The following SLC6A2 variants were observed in gnomAD, a reference collection of about 807,000 sequenced individuals.
The protein encoded by SLC6A2 is solute carrier family 6 member 2.
Under a neutral mutation model 71.7 loss-of-function variants are expected in SLC6A2, and 26 were observed. That is an observed-to-expected ratio of 0.36 (90% CI 0.27 to 0.50). The LOEUF (loss-of-function observed/expected upper bound fraction) is 0.50. Ranked by LOEUF, SLC6A2 falls within the 20% of genes least tolerant of loss-of-function variation. SLC6A2 has a pLI of 0.96. For missense variants in SLC6A2, 581 were observed against 803.9 expected (o/e 0.72, Z 3.35); for synonymous variants, 363 against 337.9 (o/e 1.07, Z -0.82).
intron 2 of SLC6A2, among the ~76,000 whole-genome samples, chr16:55,668,493 C>A (rs550507307): frequency 5.9e-5 from 9 of 152,212 alleles, no homozygotes; most frequent in African/African-American, 2.2e-4. Context: ...GGTTACAACA[C>A]CTTAGCTAAA....
At chr16:55,669,277 T>G (rs757676101) in intron 2 of SLC6A2, among the ~76,000 whole-genome samples, 1 of 152,198 alleles carries the variant, frequency 6.6e-6, no homozygotes, top group Non-Finnish European at 1.5e-5. Context: ...CATCACAGCA[T>G]GCACTTGTGT....
intron 2 of SLC6A2, among the ~76,000 whole-genome samples, chr16:55,660,281 A>G (rs1316373594): frequency 3.9e-5 from 6 of 152,186 alleles, no homozygotes; most frequent in Non-Finnish European, 8.8e-5. Context: ...AGTTGGGGCC[A>G]GGCTGCAGAG....
At position 55,698,039 on chromosome 16, in the gene SLC6A2, G is replaced by A. The variant is rs1182787242; in HGVS notation, c.1389+14G>A. The stretch of plus-strand genomic sequence containing the variant: ...TGCATAACCAAGGTGAGTAGGGGCT[G>A]GGCTCTGGGTCACCTGGGGGCCTCT... On this transcript the variant is annotated intron_variant, in intron 10 of 14. Coordinates refer to ENST00000568943, the MANE Select transcript of SLC6A2 (RefSeq NM_001172501.3). 1.9e-6 allele frequency: 3 copies of A among 1,613,908 alleles called. No individual in the cohort carries two copies. Among genetic ancestry groups the A allele is most frequent in the Middle Eastern group, 1.6e-4 (1 of 6,062 alleles).
chr16:55,671,782 C>A, intron 3 of SLC6A2, 156 bp from the exon 4 acceptor site: 3 of 1,442,652 alleles, frequency 2.1e-6, no homozygotes, highest in Non-Finnish European at 1.8e-6. Context: ...GTCTTCCATG[C>A]GACAGGTCAC....
intron 4 of SLC6A2, among the ~76,000 whole-genome samples, chr16:55,676,404 G>A (rs1360394508): frequency 6.6e-6 from 1 of 152,144 alleles, no homozygotes; most frequent in African/African-American, 2.4e-5. Context: ...CACTCTTGGG[G>A]AGGCTTCATT....
At chr16:55,663,797 A>C (rs1439778842) in intron 2 of SLC6A2, among the ~76,000 whole-genome samples, 1 of 151,972 alleles carries the variant, frequency 6.6e-6, no homozygotes, top group African/African-American at 2.4e-5. Flanking sequence ...CTGCTCCCTT[A>C]TCTCTCCAAG....
intron 5 of SLC6A2, among the ~76,000 whole-genome samples, chr16:55,688,764 C>T (rs1965530782): frequency 1.3e-5 from 2 of 152,160 alleles, no homozygotes; most frequent in African/African-American, 4.8e-5. Context: ...TTCTCGATGC[C>T]TGGATTCATA....
rs143101125 is a variant in SLC6A2, at chr16:55,669,306, C to T, written c.275-259C>T. Reference sequence around the variant, plus strand: ...CTTGTGTATCAAAGGCTAGGAGAAGCCTGCAAGAAGCAAACCTATTTTGCT... The same window carrying T: ...CTTGTGTATCAAAGGCTAGGAGAAGTCTGCAAGAAGCAAACCTATTTTGCT... On this transcript the variant is annotated intron_variant, in intron 2 of 14. Coordinates refer to ENST00000568943, the MANE Select transcript of SLC6A2 (RefSeq NM_001172501.3). 2.8e-4 allele frequency among the ~76,000 whole-genome samples: 43 copies of T among 152,296 alleles called. No homozygotes were observed. The East Asian group carries it at 8.3e-3, about 29-fold the overall frequency.
intron 2 of SLC6A2, among the ~76,000 whole-genome samples, chr16:55,658,442 T>C (rs1295809620): frequency 6.6e-6 from 1 of 151,764 alleles, no homozygotes; most frequent in African/African-American, 2.4e-5. Context: ...GAACCCGGGA[T>C]GTGGAGGTTG....
chr16:55,686,462 G>A (rs1965454764), intron 5 of SLC6A2, among the ~76,000 whole-genome samples: 1 of 152,144 alleles, frequency 6.6e-6, no homozygotes, highest in Non-Finnish European at 1.5e-5. Flanking sequence ...GCCAAAACAA[G>A]TGTTGAGGTA....
At chr16:55,659,614 A>AT (rs1351753148) in intron 2 of SLC6A2, among the ~76,000 whole-genome samples, 1 of 152,216 alleles carries the variant, frequency 6.6e-6, no homozygotes, top group Non-Finnish European at 1.5e-5. Flanking sequence ...AATGCCCAAG[A>AT]TAAGTCCTAG....
At chr16:55,701,379 C>T (rs1442972775) in intron 13 of SLC6A2, among the ~76,000 whole-genome samples, 1 of 152,144 alleles carries the variant, frequency 6.6e-6, no homozygotes, top group Non-Finnish European at 1.5e-5. Flanking sequence ...AGTGGAGAGG[C>T]TTCCTGCTAC....
chr16:55,705,896 G>T lies in SLC6A2; in HGVS notation c.*3550G>T, dbSNP rs1426266310. 6.6e-6 allele frequency: 1 copy of T among 152,142 alleles called. No homozygotes were observed. The highest frequency in any genetic ancestry group is 1.5e-5 in the Non-Finnish European group (1 of 68,030). The allele number at this position is 152,142 out of a possible 1,614,324, so 9.4% of individuals were successfully genotyped here. ...GTTTTTAATCCAACCCTTTTGTTTT[G>T]AGGCTTTGGAGGGTAACACATTTTC... On this transcript the variant is annotated 3_prime_UTR_variant, in exon 15 of 15. Coordinates refer to ENST00000568943, the MANE Select transcript of SLC6A2 (RefSeq NM_001172501.3).
intron 4 of SLC6A2, among the ~76,000 whole-genome samples, chr16:55,680,132 G>T (rs1307142648): frequency 1.3e-5 from 2 of 152,198 alleles, no homozygotes; most frequent in African/African-American, 4.8e-5. Context: ...AGCCTCTGAG[G>T]CTTTGGAGGC....
At chr16:55,695,632 C>A (rs77989034) in intron 8 of SLC6A2, among the ~76,000 whole-genome samples, 2 of 152,290 alleles carry the variant, frequency 1.3e-5, no homozygotes, top group South Asian at 4.2e-4. Flanking sequence ...GTGGAAGGAA[C>A]GGATTTTGGA....
At chr16:55,691,666 T>G (rs933305715) in intron 5 of SLC6A2, among the ~76,000 whole-genome samples, 9 of 152,224 alleles carry the variant, frequency 5.9e-5, no homozygotes, top group African/African-American at 1.4e-4. Flanking sequence ...ATCATAGTGC[T>G]ATCCCCACTG....
intron 4 of SLC6A2, among the ~76,000 whole-genome samples, chr16:55,677,820 T>G (rs2142534353): frequency 6.6e-6 from 1 of 152,196 alleles, no homozygotes; most frequent in East Asian, 1.9e-4. Context: ...CCACCACGCC[T>G]GGCTAGCTTT....
chr16:55,659,925 C>T lies in SLC6A2; in HGVS notation c.274+2957C>T, dbSNP rs113553309. On this transcript the variant is annotated intron_variant, in intron 2 of 14. Transcript: ENST00000568943. ...TCAGCTCAGAACATTGTTGTGGGGA[C>T]CAAACATAATAACTCATGGAGAGCC... 7.6e-4 allele frequency among the ~76,000 whole-genome samples: 116 copies of T among 152,256 alleles called. 2 individuals carry two copies. The highest frequency in any genetic ancestry group is 2.7e-3 in the African/African-American group (113 of 41,542).
At chr16:55,684,973 C>G (rs1377771762) in intron 4 of SLC6A2, among the ~76,000 whole-genome samples, 170 bp from the exon 5 acceptor site, 2 of 152,332 alleles carry the variant, frequency 1.3e-5, no homozygotes, top group East Asian at 3.9e-4. Flanking sequence ...CATGGCTGAT[C>G]AGGTCAGGCC....
Sources: gnomAD v4.1 joint callset for allele counts (sites outside exome capture counted in the v4.1 genomes callset) on GRCh38, gnomAD v4.1.1 for gene constraint, MANE v1.5 for transcripts, NCBI Gene and HGNC (gene_info 2026-07-23, HGNC 2026-07-21) for gene names.